The following MEOX1 variants were observed in gnomAD, a reference collection of about 807,000 sequenced individuals.
The protein encoded by MEOX1 is mesenchyme homeobox 1.
Under a neutral mutation model 23.2 loss-of-function variants are expected in MEOX1, and 17 were observed. The observed-to-expected ratio is 0.73, with a 90% confidence interval of 0.50 to 1.10. MEOX1 has a LOEUF of 1.10. Ranked by LOEUF, MEOX1 falls within the 50% of genes least tolerant of loss-of-function variation. MEOX1 has a pLI of 0.00. For missense variants in MEOX1, 333 were observed against 332.2 expected (o/e 1.00, Z -0.02); for synonymous variants, 134 against 135.1 (o/e 0.99, Z 0.06).
chr17:43,644,743 C>T (rs1972770712), intron 1 of MEOX1, among the ~76,000 whole-genome samples: 1 of 151,948 alleles, frequency 6.6e-6, no homozygotes, highest in Non-Finnish European at 1.5e-5. Flanking sequence ...GCGAAACCCC[C>T]GTCTCTACTA....
At chr17:43,653,120 C>T (rs1273983955) in intron 1 of MEOX1, among the ~76,000 whole-genome samples, 1 of 150,346 alleles carries the variant, frequency 6.7e-6, no homozygotes, top group East Asian at 2.0e-4. Context: ...GTGTGAGCCA[C>T]CGTGCCCAGC....
intron 2 of MEOX1, among the ~76,000 whole-genome samples, chr17:43,642,690 A>G (rs62078581): frequency 0.053 from 8,109 of 152,072 alleles, 265 homozygotes; most frequent in Middle Eastern, 0.1. Context: ...AGTCCAAAAC[A>G]AAGGGCCAGG....
chr17:43,655,353 C>T (rs1234469977), intron 1 of MEOX1, among the ~76,000 whole-genome samples: 1 of 151,830 alleles, frequency 6.6e-6, no homozygotes, highest in East Asian at 1.9e-4. Context: ...TGCCTGTAGT[C>T]CCAGCTACTT....
chr17:43,647,394 C>T (rs1287693962), intron 1 of MEOX1, among the ~76,000 whole-genome samples: 1 of 152,218 alleles, frequency 6.6e-6, no homozygotes, highest in Non-Finnish European at 1.5e-5. Flanking sequence ...ACAGAAGAGC[C>T]AGCCTCAGAC....
Position 43,641,863 on chromosome 17 carries a change from T to C in MEOX1, c.*47A>G, listed in dbSNP as rs779358224. The C allele has an allele frequency of 4.5e-6, 7 of 1,569,126 alleles. No individual in the cohort carries two copies. The Admixed American group carries it at 1.1e-4, about 24-fold the overall frequency. On this transcript the variant is annotated 3_prime_UTR_variant, in exon 3 of 3. Coordinates refer to ENST00000318579, the MANE Select transcript of MEOX1 (RefSeq NM_004527.4). ...GAAGGTGGGATTGGGGTGGGGGTAG[T>C]TGGGTAGGGGGCTCAGTCCTTAGTC... is the stretch of plus-strand genomic sequence containing the variant.
At chr17:43,657,691 G>A (rs947732195) in intron 1 of MEOX1, among the ~76,000 whole-genome samples, 4 of 152,074 alleles carry the variant, frequency 2.6e-5, no homozygotes, top group Admixed American at 6.6e-5. Flanking sequence ...TAACCTCTCC[G>A]GCAGGTCTCT....
At chr17:43,651,188 G>A (rs935264609) in intron 1 of MEOX1, among the ~76,000 whole-genome samples, 1 of 152,096 alleles carries the variant, frequency 6.6e-6, no homozygotes, top group Non-Finnish European at 1.5e-5. Flanking sequence ...GTGTGGTGGC[G>A]GGTGCCTGTA....
intron 1 of MEOX1, among the ~76,000 whole-genome samples, chr17:43,660,633 GC>G (rs1973118609): frequency 6.6e-6 from 1 of 152,176 alleles, no homozygotes; most frequent in Non-Finnish European, 1.5e-5. Flanking sequence ...AGCTCTCAGA[GC>G]CTTAACCTCA....
At position 43,641,709 on chromosome 17, in the gene MEOX1, A is replaced by C; in HGVS notation, c.*201T>G. On this transcript the variant is annotated 3_prime_UTR_variant, in exon 3 of 3. Transcript: ENST00000318579. ...AGTGTGGGAGCAAAGGCCCTAGGGAAGAGGCTGCTAAGAGGCTGGACAGAA... is the reference window on the plus strand; with the variant it reads ...AGTGTGGGAGCAAAGGCCCTAGGGACGAGGCTGCTAAGAGGCTGGACAGAA... The C allele has an allele frequency of 8.3e-5, 45 of 542,782 alleles. No individual in the cohort carries two copies. Among genetic ancestry groups the C allele is most frequent in the Middle Eastern group, 4.8e-4 (1 of 2,088 alleles). 33.6% of individuals were successfully genotyped at this position (542,782 alleles called of 1,614,324 possible). A position where few individuals can be genotyped will look rare whatever the true frequency, so the allele number is the denominator to read the frequency against.
intron 1 of MEOX1, among the ~76,000 whole-genome samples, chr17:43,645,171 C>CTTT (rs869205502): frequency 7.4e-4 from 74 of 99,758 alleles, no homozygotes; most frequent in East Asian, 1.3e-3. Flanking sequence ...CATTAATTAT[C>CTTT]TTTTTTTTTT....
At position 43,661,371 on chromosome 17, in the gene MEOX1, G is replaced by A. The variant is rs1461933641; in HGVS notation, c.164C>T (p.Ala55Val). ...TGAGAAGTCAGGGTACGCTGCCGTC[G>A]CTGTCGCCAGGAAGTCTGGTTTCTG... ...FHQKPDFLAT[A>V]TAAYPDFSAS... The change falls in exon 1 of 3, where the codon GCG (alanine) becomes GTG (valine). Residue 55 changes from alanine to valine, a missense_variant. Ala to Val is a moderately conservative substitution (Grantham distance 64, BLOSUM62 0). Transcript: ENST00000318579. 1.7e-5 allele frequency: 28 copies of A among 1,613,784 alleles called. No individual in the cohort carries two copies. Among genetic ancestry groups the A allele is most frequent in the Non-Finnish European group, 2.1e-5 (25 of 1,179,890 alleles).
intron 1 of MEOX1, among the ~76,000 whole-genome samples, chr17:43,648,979 A>C (rs1484220876): frequency 1.3e-5 from 2 of 152,182 alleles, no homozygotes; most frequent in Non-Finnish European, 2.9e-5. Flanking sequence ...GGCACCGAGG[A>C]AGAGCTTTTG....
chr17:43,658,506 C>A (rs376870426), intron 1 of MEOX1, among the ~76,000 whole-genome samples: 1,061 of 107,668 alleles, frequency 9.9e-3, no homozygotes, highest in African/African-American at 0.017. Flanking sequence ...GACTCCATCT[C>A]AAAAAAAAAA....
chr17:43,657,084 TTTC>T (rs1291546382), intron 1 of MEOX1, among the ~76,000 whole-genome samples: 2 of 111,718 alleles, frequency 1.8e-5, no homozygotes, highest in African/African-American at 5.3e-5. Flanking sequence ...CTTTCTTTTC[TTTC>T]TTTCTTTTTC....
At chr17:43,642,141 C>A (rs1396579201) in intron 2 of MEOX1, 109 bp from the exon 3 acceptor site, 2 of 1,155,628 alleles carry the variant, frequency 1.7e-6, no homozygotes, top group East Asian at 4.8e-5. Flanking sequence ...CAGCTTGAAA[C>A]CATCACTTAC....
At position 43,643,625 on chromosome 17, in the gene MEOX1, TGCTGCCCTCCG is replaced by T; in HGVS notation, c.494_504del (p.Pro165GlnfsTer26). ...GCCGTCCTCTCCTTGCGGGCTTTGC[TGCTGCCCTCCG>T]GCTTCCCTCTGTTCTCCTGGTTGTC... is the stretch of plus-strand genomic sequence containing the variant. On this transcript the variant is annotated frameshift_variant, in exon 2 of 3. Coordinates refer to ENST00000318579, the MANE Select transcript of MEOX1 (RefSeq NM_004527.4). LOFTEE classifies it high-confidence loss of function. The T allele has an allele frequency of 6.2e-7, 1 of 1,613,584 alleles. No homozygotes were observed. Among genetic ancestry groups the T allele is most frequent in the Non-Finnish European group, 8.5e-7 (1 of 1,179,900 alleles).
At chr17:43,656,816 G>A (rs567207536) in intron 1 of MEOX1, among the ~76,000 whole-genome samples, 14 of 152,176 alleles carry the variant, frequency 9.2e-5, no homozygotes, top group African/African-American at 2.4e-4. Flanking sequence ...ACAGTTTGGG[G>A]GAAAACAACA....
chr17:43,660,912 A>C (rs1367991809), intron 1 of MEOX1, among the ~76,000 whole-genome samples, 154 bp downstream of exon 1: 1 of 152,142 alleles, frequency 6.6e-6, no homozygotes, highest in African/African-American at 2.4e-5. Context: ...TAGAACTCTC[A>C]GTGGAAGAAA....
In MEOX1 at chr17:43,661,120, T is replaced by C; in HGVS notation, c.415A>G (p.Ser139Gly). ...GPGDDYGVLGSTANETEKKSS... is the reference protein window; with the variant it reads ...GPGDDYGVLGGTANETEKKSS... Reference sequence around the variant, plus strand: ...TTCTTCTCTGTCTCATTGGCAGTGCTCCCAAGCACCCCGTAGTCATCGCCT... The same window carrying C: ...TTCTTCTCTGTCTCATTGGCAGTGCCCCCAAGCACCCCGTAGTCATCGCCT... The change falls in exon 1 of 3, where the codon AGC becomes GGC. Residue 139 changes from serine to glycine, a missense_variant. Coordinates refer to ENST00000318579, the MANE Select transcript of MEOX1 (RefSeq NM_004527.4). 2.6e-6 allele frequency: 4 copies of C among 1,511,610 alleles called. No individual in the cohort carries two copies. Among genetic ancestry groups the C allele is most frequent in the Non-Finnish European group, 3.5e-6 (4 of 1,131,010 alleles). 93.6% of individuals were successfully genotyped at this position (1,511,610 alleles called of 1,614,324 possible). A position where few individuals can be genotyped will look rare whatever the true frequency, so the allele number is the denominator to read the frequency against.
Sources: gnomAD v4.1 joint callset for allele counts (sites outside exome capture counted in the v4.1 genomes callset) on GRCh38, gnomAD v4.1.1 for gene constraint, MANE v1.5 for transcripts, NCBI Gene and HGNC (gene_info 2026-07-23, HGNC 2026-07-21) for gene names.